HELZ2: variants seen among roughly 807,000 people sequenced by gnomAD.
HELZ2 encodes the protein helicase with zinc finger 2.
A neutral mutation model predicts 208.8 loss-of-function variants in HELZ2; 143 were observed. The ratio of observed to expected loss-of-function variants is 0.68; its 90% CI spans 0.60 to 0.79. The LOEUF is 0.79. Among genes scored for constraint, HELZ2 ranks in the 30% least tolerant of loss-of-function variants. The pLI is 0.00. For missense variants in HELZ2, 3,690 were observed against 3,794.5 expected (o/e 0.97, Z 0.72); for synonymous variants, 1,705 against 1,693.7 (o/e 1.01, Z -0.16).
chr20:63,563,794 G>A (rs2082916289), exon 8 of HELZ2: 1 of 1,602,978 alleles, frequency 6.2e-7, no homozygotes, highest in Non-Finnish European at 8.5e-7. Flanking sequence ...CCAGGTACCT[G>A]CGGATGGGCG....
chr20:63,559,801 A>T, intron 18 of HELZ2, 127 bp downstream of exon 19: 1 of 710,264 alleles, frequency 1.4e-6, no homozygotes, highest in South Asian at 1.7e-5. Flanking sequence ...AGGTGGGAGG[A>T]GTCAGGGTCA....
downstream of HELZ2, chr20:63,559,023 C>CA: frequency 5.9e-6 from 3 of 510,282 alleles, no homozygotes; most frequent in East Asian, 1.0e-4. Flanking sequence ...CTCTTGGCCA[C>CA]CCTGAGAGGT....
At chr20:63,561,365 C>T in exon 13 of HELZ2, 1 of 1,613,038 alleles carries the variant, frequency 6.2e-7, no homozygotes, top group Non-Finnish European at 8.5e-7. Context: ...CAGGTCCTCC[C>T]TGGAGAAGAG....
exon 8 of HELZ2, chr20:63,565,999 G>T: frequency 6.3e-7 from 1 of 1,598,128 alleles, no homozygotes. Context: ...CCTCGGGGCA[G>T]ACACTGTGCC....
chr20:63,573,944 A>G (rs2083035319), upstream of HELZ2, among the ~76,000 whole-genome samples: 1 of 152,150 alleles, frequency 6.6e-6, no homozygotes, highest in South Asian at 2.1e-4. This position sits in a 1 kb window ranked among gnomAD's most constrained non-coding sequence, Gnocchi z 4.9. Context: ...CCTGCGCTCC[A>G]GTGGGTGCAG....
In HELZ2 at chr20:63,568,344, A is replaced by C. The variant is rs758344870; in HGVS notation, c.1730+14T>G. 7 of 1,598,004 alleles carry C rather than the reference A, an allele frequency of 4.4e-6. No individual in the cohort carries two copies. Among genetic ancestry groups the C allele is most frequent in the Middle Eastern group, 1.7e-4 (1 of 5,912 alleles). On this transcript the variant is annotated intron_variant, in intron 5 of 18. Transcript: ENST00000467148. ...GCGTCAGGTGAGGTGGGGGCAGGCCAGGCTCGGGCTTACCTGTTGGTGTGT... is the reference window on the plus strand; with the variant it reads ...GCGTCAGGTGAGGTGGGGGCAGGCCCGGCTCGGGCTTACCTGTTGGTGTGT...
chr20:63,562,063 G>A lies in HELZ2; in HGVS notation c.6529+9C>T, dbSNP rs1227120899. 1 of 1,598,080 alleles carries A rather than the reference G, an allele frequency of 6.3e-7. No homozygotes were observed. Among genetic ancestry groups the A allele is most frequent in the Non-Finnish European group, 8.5e-7 (1 of 1,172,298 alleles). ...AGGCAGCCTGCGGCTCCCCCGGCAT[G>A]GGCCCTACCTGGTGGGCCCTGAATG... On this transcript the variant is annotated intron_variant, in intron 10 of 18. Coordinates refer to ENST00000467148, the Ensembl canonical transcript of HELZ2.
exon 6 of HELZ2, chr20:63,566,975 T>C (rs2082967404): frequency 1.9e-6 from 3 of 1,611,456 alleles, no homozygotes; most frequent in East Asian, 2.2e-5. Context: ...CAGGACGCCA[T>C]GGACATGTCC....
exon 19 of HELZ2, chr20:63,559,297 G>T: frequency 6.3e-7 from 1 of 1,597,192 alleles, no homozygotes; most frequent in Non-Finnish European, 8.5e-7. Context: ...CGGCAGGCAC[G>T]AGGGTCTGCT....
In HELZ2 at chr20:63,566,058, C is replaced by T. The variant is rs199516314; in HGVS notation, c.2764G>A (p.Gly922Arg). The change falls in exon 8 of 19, where the codon GGG becomes AGG. Residue 922 changes from glycine (G) to arginine (R), a missense_variant. Physicochemically the swap from Gly to Arg is moderately radical, Grantham distance 125. This residue lies in a region of HELZ2 where 2,564 missense variants were observed against 2,580.5 expected (regional missense o/e 0.99). Coordinates refer to ENST00000467148, the Ensembl canonical transcript of HELZ2. Reference sequence around the variant, plus strand: ...CTCTCCCAGAGCTTGCCGCAGGCCCCGAAGGAGCAGAGGGCCACGGCGTCC... The same window carrying T: ...CTCTCCCAGAGCTTGCCGCAGGCCCTGAAGGAGCAGAGGGCCACGGCGTCC... 6.8e-5 allele frequency: 108 copies of T among 1,588,758 alleles called. No homozygotes were observed. Among genetic ancestry groups the T allele is most frequent in the Non-Finnish European group, 8.2e-5 (96 of 1,173,356 alleles).
At position 63,562,938 on chromosome 20, in the gene HELZ2, C is replaced by T. The variant is rs116161823; in HGVS notation, c.5884G>A (p.Asp1962Asn). Residue 1962 changes from aspartate to asparagine, a missense_variant, in exon 8 of 19, where the codon GAC becomes AAC. Physicochemically the swap from Asp to Asn is conservative, Grantham distance 23. This residue lies in a region of HELZ2 where 2,564 missense variants were observed against 2,580.5 expected (regional missense o/e 0.99). Transcript: ENST00000467148. ...CTCAGGTGCTGAAGTGTGACGGAGT[C>T]ATTCTCGGCAACCGCGCCGGTGGCC... The T allele has an allele frequency of 3.2e-4, 515 of 1,591,730 alleles. 3 individuals carry two copies. The African/African-American group carries it at 6.1e-3, about 19-fold the overall frequency.
chr20:63,563,638 G>A, exon 8 of HELZ2: 2 of 1,545,346 alleles, frequency 1.3e-6, no homozygotes, highest in Middle Eastern at 1.7e-4. Flanking sequence ...GCACGGCCAG[G>A]TGCAGGCTGC....
Position 63,568,482 on chromosome 20 carries a change from G to A in HELZ2, c.1606C>T (p.Arg536Cys), listed in dbSNP as rs1377953557. Residue 536 changes from arginine to cysteine, a missense_variant, in exon 5 of 19, where the codon CGT becomes TGT. Arg to Cys is a radical substitution (Grantham distance 180). Transcript: ENST00000467148. ...CCATAGATGAGTAGCGGGGGGACAC[G>A]CCTCCCATCCCCAGGGCCCCAGCCC... 8 of 1,590,006 alleles carry A rather than the reference G, an allele frequency of 5.0e-6. No homozygotes were observed. Among genetic ancestry groups the A allele is most frequent in the East Asian group, 2.3e-5 (1 of 44,028 alleles).
intron 4 of HELZ2, 31 bp from the exon 6 acceptor site, chr20:63,569,030 G>A (rs1325905226): frequency 2.5e-6 from 4 of 1,596,728 alleles, no homozygotes; most frequent in Non-Finnish European, 3.4e-6. Flanking sequence ...AGCTCATGGG[G>A]CCACAGCTGC....
chr20:63,560,221 C>T lies in HELZ2; in HGVS notation c.7607G>A (p.Arg2536Gln), dbSNP rs1216955316. The T allele has an allele frequency of 2.3e-5, 36 of 1,558,254 alleles. No individual in the cohort carries two copies. The highest frequency in any genetic ancestry group is 7.2e-5 in the East Asian group (3 of 41,920). The change falls in exon 17 of 19, where the codon CGG (arginine) becomes CAG (glutamine). Residue 2536 changes from arginine to glutamine, a missense_variant. Arg to Gln is a conservative substitution (Grantham distance 43). Around this residue, in one of 3 missense-constraint regions of HELZ2, gnomAD observed 2,564 missense variants for 2,580.5 expected, o/e 0.99. Transcript: ENST00000467148. ...GGCCACCCCGGCGATGCCCTCTCGC[C>T]GAAGGGCCTTGCTGATCTCAGAGGC... is the stretch of plus-strand genomic sequence containing the variant.
Position 63,565,214 on chromosome 20 carries a change from G to A in HELZ2, c.3608C>T (p.Ala1203Val), listed in dbSNP as rs181794087. Residue 1203 changes from alanine to valine, a missense_variant, in exon 8 of 19, where the codon GCG becomes GTG. Physicochemically the swap from Ala to Val is moderately conservative, Grantham distance 64. Around this residue, in one of 3 missense-constraint regions of HELZ2, gnomAD observed 2,564 missense variants for 2,580.5 expected, o/e 0.99. Coordinates refer to ENST00000467148, the Ensembl canonical transcript of HELZ2. The stretch of plus-strand genomic sequence containing the variant: ...CCACGTGTCCATGCGGCACACAAAC[G>A]CCAGCTCGTGCCTCTTCCTCTTCAG... 1.6e-4 allele frequency: 257 copies of A among 1,608,084 alleles called. 5 individuals are homozygous for A. The Admixed American group carries it at 3.8e-3, about 24-fold the overall frequency.
At chr20:63,562,142 C>T (rs1252594924) in exon 10 of HELZ2, 8 of 1,609,542 alleles carry the variant, frequency 5.0e-6, no homozygotes, top group African/African-American at 1.3e-5. Context: ...GGCTGGGGTT[C>T]AGCTTGTGGC....
chr20:63,568,133 C>T, intron 5 of HELZ2: 2 of 585,562 alleles, frequency 3.4e-6, no homozygotes, highest in South Asian at 2.2e-5. Flanking sequence ...GTGACACTCT[C>T]CTTGGGCCAG....
At chr20:63,572,647 G>A (rs958391567), upstream of HELZ2, 8 of 461,280 alleles carry the variant, frequency 1.7e-5, no homozygotes, top group Non-Finnish European at 3.0e-5. Flanking sequence ...AAAGCAGCTC[G>A]AAGCGGCCGC....
Sources: allele counts gnomAD v4.1 joint callset (sites outside exome capture counted in the v4.1 genomes callset), GRCh38; gene constraint gnomAD v4.1.1; regional missense constraint gnomAD v4.1.1; non-coding constraint Gnocchi (gnomAD v3.1); transcripts MANE v1.5; gene names NCBI Gene and HGNC (gene_info 2026-07-23, HGNC 2026-07-21).